Variants in MORC2 observed in about 807,000 individuals in gnomAD.
MORC2 encodes ATPase MORC2.
In MORC2, 30 loss-of-function variants were observed where a neutral mutation model predicts 136.0. The ratio of observed to expected loss-of-function variants is 0.22; its 90% CI spans 0.17 to 0.30. MORC2 has a LOEUF of 0.30. MORC2 is among the 10% of genes least tolerant of loss of function. The pLI is 1.00. For synonymous variants in MORC2, 439 were observed against 487.0 expected, an observed-to-expected ratio of 0.90 and a Z score of 1.30; for missense variants, 922 against 1,333.1, an observed-to-expected ratio of 0.69 and a Z score of 4.80.
chr22:30,945,589 G>T (rs1451208870), intron 6 of MORC2, among the ~76,000 whole-genome samples: 2 of 152,212 alleles, frequency 1.3e-5, no homozygotes, highest in Admixed American at 6.5e-5. Flanking sequence ...GAGCTGCCCT[G>T]ATCTCCCACA....
chr22:30,961,742 T>C (rs2041049162), intron 1 of MORC2, among the ~76,000 whole-genome samples: 1 of 152,164 alleles, frequency 6.6e-6, no homozygotes, highest in African/African-American at 2.4e-5. Context: ...TCTGGAAAAC[T>C]AATTTTGACA....
At chr22:30,954,287 C>T (rs1191105952) in intron 3 of MORC2, among the ~76,000 whole-genome samples, 1 of 152,038 alleles carries the variant, frequency 6.6e-6, no homozygotes, top group African/African-American at 2.4e-5. Flanking sequence ...AAAAAAGATT[C>T]CACGGACTGA....
chr22:30,934,255 T>A lies in MORC2; in HGVS notation c.2194-64A>T. 1.2e-6 allele frequency: 2 copies of A among 1,605,268 alleles called. No homozygotes were observed. The highest frequency in any genetic ancestry group is 1.7e-6 in the Non-Finnish European group (2 of 1,175,132). Reference sequence around the variant, plus strand: ...TCAGCCTCTAAGGAGCAGGAAGATTTCATCTAGCCTAAAGGAGTCGTTCCA... The same window carrying A: ...TCAGCCTCTAAGGAGCAGGAAGATTACATCTAGCCTAAAGGAGTCGTTCCA... On this transcript the variant is annotated intron_variant, in intron 19 of 25. Coordinates refer to ENST00000397641, the MANE Select transcript of MORC2 (RefSeq NM_001303256.3). This position sits in a 1 kb window ranked among gnomAD's most constrained non-coding sequence, Gnocchi z 4.4.
chr22:30,945,850 T>C (rs193002897), intron 6 of MORC2, among the ~76,000 whole-genome samples: 40 of 152,326 alleles, frequency 2.6e-4, no homozygotes, highest in African/African-American at 9.1e-4. Context: ...CTTTACTACC[T>C]GCCCAGGCTC....
intron 11 of MORC2, 54 bp from the exon 12 acceptor site, chr22:30,939,760 A>T: frequency 6.5e-7 from 1 of 1,542,888 alleles, no homozygotes; most frequent in Non-Finnish European, 8.9e-7. Context: ...CACAGCAGGG[A>T]ATATTGAAAC....
At chr22:30,967,514 G>T in intron 1 of MORC2, 6 of 1,163,568 alleles carry the variant, frequency 5.2e-6, no homozygotes, top group Non-Finnish European at 6.4e-6. Flanking sequence ...CGATCCAATA[G>T]AGCAGTATTT....
At chr22:30,936,455 T>C (rs1166661972) in intron 17 of MORC2, 56 bp downstream of exon 17, 11 of 1,602,634 alleles carry the variant, frequency 6.9e-6, no homozygotes, top group Middle Eastern at 1.7e-4. Context: ...AAGGTTCCTG[T>C]CACAGGCAGA....
chr22:30,942,599 A>G (rs2040757205), intron 6 of MORC2, among the ~76,000 whole-genome samples: 1 of 152,174 alleles, frequency 6.6e-6, no homozygotes, highest in African/African-American at 2.4e-5. Flanking sequence ...TATATTTGCA[A>G]TTATCTAGTG....
At chr22:30,950,601 G>C (rs2040873659) in intron 3 of MORC2, among the ~76,000 whole-genome samples, 156 bp from the exon 4 acceptor site, 1 of 152,156 alleles carries the variant, frequency 6.6e-6, no homozygotes, top group South Asian at 2.1e-4. Flanking sequence ...CAGGGTCCTT[G>C]AGGTTGCAAA....
chr22:30,949,498 T>C (rs2040860475), intron 5 of MORC2, among the ~76,000 whole-genome samples: 2 of 152,230 alleles, frequency 1.3e-5, no homozygotes, highest in South Asian at 4.1e-4. Flanking sequence ...GGTGCAGTTC[T>C]AGAGCACTGT....
chr22:30,944,699 C>T (rs2040791528), intron 6 of MORC2, among the ~76,000 whole-genome samples: 1 of 152,212 alleles, frequency 6.6e-6, no homozygotes, highest in Non-Finnish European at 1.5e-5. Context: ...TCCCCAACTG[C>T]CACAGCAGAA....
intron 1 of MORC2, chr22:30,963,345 A>G: frequency 1.0e-6 from 1 of 982,990 alleles, no homozygotes; most frequent in Non-Finnish European, 1.2e-6. Flanking sequence ...CTGGAAAAAG[A>G]CAAAGATTTT....
At position 30,925,183 on chromosome 22, in the gene MORC2, G is replaced by A; in HGVS notation, c.*1620C>T. On this transcript the variant is annotated 3_prime_UTR_variant, in exon 26 of 26. Transcript: ENST00000397641. ...AGTATTGCGTTTCGATTACATGTGTGTGAATTTTAAAAACTGATTACCCTC... is the reference window on the plus strand; with the variant it reads ...AGTATTGCGTTTCGATTACATGTGTATGAATTTTAAAAACTGATTACCCTC... 3.4e-6 allele frequency: 1 copy of A among 293,682 alleles called. No homozygotes were observed. Among genetic ancestry groups the A allele is most frequent in the Non-Finnish European group, 6.7e-6 (1 of 148,902 alleles). The allele number at this position is 293,682 out of a possible 1,614,324, so 18.2% of individuals were successfully genotyped here.
intron 20 of MORC2, among the ~76,000 whole-genome samples, chr22:30,933,856 T>C (rs536067079): frequency 6.6e-6 from 1 of 152,114 alleles, no homozygotes; most frequent in Non-Finnish European, 1.5e-5. Context: ...CTGAGAGTCC[T>C]TGAGAGATCA....
At position 30,932,322 on chromosome 22, in the gene MORC2, A is replaced by C; in HGVS notation, c.2841+37T>G. On this transcript the variant is annotated intron_variant, in intron 24 of 25. Coordinates refer to ENST00000397641, the MANE Select transcript of MORC2 (RefSeq NM_001303256.3). This position sits in a 1 kb window ranked among gnomAD's most constrained non-coding sequence, Gnocchi z 4.4. Reference sequence around the variant, plus strand: ...CAAATGCAGGGGCAGGGGTGGGGGAATGAAGAGTGTGGAATCGAAGGTCAG... The same window carrying C: ...CAAATGCAGGGGCAGGGGTGGGGGACTGAAGAGTGTGGAATCGAAGGTCAG... The C allele has an allele frequency of 1.3e-6, 2 of 1,492,968 alleles. No individual in the cohort carries two copies. The highest frequency in any genetic ancestry group is 1.4e-5 in the African/African-American group (1 of 72,248). The allele number at this position is 1,492,968 out of a possible 1,614,324, so 92.5% of individuals were successfully genotyped here. A position where few individuals can be genotyped will look rare whatever the true frequency, so the allele number is the denominator to read the frequency against.
At position 30,925,149 on chromosome 22, in the gene MORC2, G is replaced by C. The variant is rs1233426096; in HGVS notation, c.*1654C>G. ...ACTGAGTTCAGGAGTCTCACCAGTA[G>C]AACTTTATAGTATTGCGTTTCGATT... On this transcript the variant is annotated 3_prime_UTR_variant, in exon 26 of 26. Transcript: ENST00000397641. The C allele has an allele frequency of 8.7e-6, 3 of 346,352 alleles. No individual in the cohort carries two copies. Among genetic ancestry groups the C allele is most frequent in the Non-Finnish European group, 1.7e-5 (3 of 174,974 alleles). The allele number at this position is 346,352 out of a possible 1,614,324, so 21.5% of individuals were successfully genotyped here.
At chr22:30,966,265 T>C (rs1181027048) in intron 1 of MORC2, among the ~76,000 whole-genome samples, 1 of 152,186 alleles carries the variant, frequency 6.6e-6, no homozygotes, top group Admixed American at 6.5e-5. Flanking sequence ...CATTCCAAAA[T>C]TCAGAGCTGA....
Position 30,932,128 on chromosome 22 carries a change from A to G in MORC2, c.2841+231T>C. On this transcript the variant is annotated intron_variant, in intron 24 of 25. Transcript: ENST00000397641. The surrounding 1 kb of genome is among the most constrained non-coding windows in gnomAD (Gnocchi z 4.4). ...CTCAACTCCTAGCACCTGTGGTGGG[A>G]AGGGGTTGGCTTTCTGCACACCAGA... 1 of 475,344 alleles carries G rather than the reference A, an allele frequency of 2.1e-6. No individual in the cohort carries two copies. The highest frequency in any genetic ancestry group is 3.7e-5 in the East Asian group (1 of 27,164). 29.4% of individuals were successfully genotyped at this position (475,344 alleles called of 1,614,324 possible).
intron 10 of MORC2, among the ~76,000 whole-genome samples, chr22:30,940,393 G>A (rs796925570): frequency 1.3e-4 from 20 of 152,106 alleles, no homozygotes; most frequent in African/African-American, 4.8e-4. Flanking sequence ...AAGCAGCCGA[G>A]AAACCCTGAG....
Sources: allele counts gnomAD v4.1 joint callset (sites outside exome capture counted in the v4.1 genomes callset), GRCh38; gene constraint gnomAD v4.1.1; non-coding constraint Gnocchi (gnomAD v3.1); transcripts MANE v1.5; gene names NCBI Gene and HGNC (gene_info 2026-07-23, HGNC 2026-07-21).